The following SNTG1 variants were observed in gnomAD, a reference collection of about 807,000 sequenced individuals.
The protein encoded by SNTG1 is syntrophin gamma 1, also known as gamma-1-syntrophin.
A neutral mutation model predicts 74.7 loss-of-function variants in SNTG1; 39 were observed. The ratio of observed to expected loss-of-function variants is 0.52; its 90% CI spans 0.40 to 0.68. SNTG1 has a LOEUF of 0.68. SNTG1 is among the 30% of genes least tolerant of loss of function. SNTG1 has a pLI of 0.00. For missense variants in SNTG1, 685 were observed against 609.5 expected (o/e 1.12, Z -1.30); for synonymous variants, 254 against 217.1 (o/e 1.17, Z -1.49).
intron 13 of SNTG1, among the ~76,000 whole-genome samples, chr8:50,620,205 A>T (rs1240684821): frequency 6.6e-6 from 1 of 151,538 alleles, no homozygotes; most frequent in Admixed American, 6.6e-5. Context: ...CCATTCCAAG[A>T]CTCTCCAGGT....
At chr8:50,146,928 T>C (rs574864648) in intron 1 of SNTG1, among the ~76,000 whole-genome samples, 1 of 152,328 alleles carries the variant, frequency 6.6e-6, no homozygotes, top group South Asian at 2.1e-4. Flanking sequence ...CTTTATCACA[T>C]ATATGATTTG....
intron 1 of SNTG1, among the ~76,000 whole-genome samples, chr8:50,091,937 C>A (rs2079754199): frequency 6.6e-6 from 1 of 151,940 alleles, no homozygotes; most frequent in Admixed American, 6.6e-5. Flanking sequence ...AGTGAGATAG[C>A]AATGACAAAA....
At chr8:50,062,968 T>C (rs1820604075) in intron 1 of SNTG1, among the ~76,000 whole-genome samples, 1 of 152,228 alleles carries the variant, frequency 6.6e-6, no homozygotes, top group African/African-American at 2.4e-5. Context: ...AAAGAGCTAA[T>C]GACTGCAGAC....
chr8:50,776,217 A>T (rs1003230931), intron 18 of SNTG1, among the ~76,000 whole-genome samples: 2 of 150,532 alleles, frequency 1.3e-5, no homozygotes, highest in Admixed American at 6.6e-5. Context: ...TGCTTTTAGA[A>T]ATCAATTTTA....
intron 15 of SNTG1, among the ~76,000 whole-genome samples, chr8:50,689,945 A>G (rs1339034102): frequency 1.3e-5 from 2 of 152,210 alleles, no homozygotes; most frequent in Non-Finnish European, 2.9e-5. Flanking sequence ...TGGTCTATTC[A>G]GAGATTCAAC....
chr8:50,013,317 C>T (rs748094024), intron 1 of SNTG1, among the ~76,000 whole-genome samples: 1 of 152,004 alleles, frequency 6.6e-6, no homozygotes, highest in Admixed American at 6.6e-5. Flanking sequence ...AATAGCACCT[C>T]GTCATAGACT....
intron 13 of SNTG1, among the ~76,000 whole-genome samples, chr8:50,634,955 G>A (rs747146746): frequency 1.5e-4 from 23 of 152,052 alleles, no homozygotes; most frequent in South Asian, 8.3e-4. Context: ...ATTGACAGCC[G>A]CAGTCTGTAC....
chr8:50,261,467 C>G (rs1270247536), intron 2 of SNTG1, among the ~76,000 whole-genome samples: 1 of 151,996 alleles, frequency 6.6e-6, no homozygotes, highest in Non-Finnish European at 1.5e-5. Context: ...AAATGAAAAG[C>G]ACTAGAGAAA....
chr8:50,749,522 T>C (rs762693649), intron 17 of SNTG1, among the ~76,000 whole-genome samples: 1 of 152,070 alleles, frequency 6.6e-6, no homozygotes, highest in Non-Finnish European at 1.5e-5. Context: ...AGATGCCATC[T>C]GAAACTTTCA....
chr8:50,417,158 T>C (rs1285058186), intron 4 of SNTG1, among the ~76,000 whole-genome samples: 1 of 152,168 alleles, frequency 6.6e-6, no homozygotes, highest in African/African-American at 2.4e-5. Context: ...CGCCATGATA[T>C]ACACTTTTCT....
At chr8:50,544,750 T>A (rs554903128) in intron 11 of SNTG1, among the ~76,000 whole-genome samples, 1 of 152,162 alleles carries the variant, frequency 6.6e-6, no homozygotes, top group South Asian at 2.1e-4. Flanking sequence ...AGATTCACAT[T>A]CAAGAGCTAA....
Position 50,226,499 on chromosome 8 carries a change from C to T in SNTG1, c.-28+53864C>T, listed in dbSNP as rs145389933. Among the ~76,000 whole-genome samples, 15 of 152,156 alleles carry T rather than the reference C, an allele frequency of 9.9e-5. No individual in the cohort carries two copies. The East Asian group carries it at 2.1e-3, about 22-fold the overall frequency. The stretch of plus-strand genomic sequence containing the variant: ...AAAGATCTGAATAGGAAACATTTGC[C>T]ATCTGTTGTCTCTAAGGGCAGCCAC... On this transcript the variant is annotated intron_variant, in intron 2 of 18. Transcript: ENST00000642720.
Position 50,795,417 on chromosome 8 carries a change from A to G in SNTG1, c.*2588A>G, listed in dbSNP as rs776140230. 2.0e-5 allele frequency: 3 copies of G among 152,090 alleles called. No individual in the cohort carries two copies. Among genetic ancestry groups the G allele is most frequent in the African/African-American group, 4.8e-5 (2 of 41,432 alleles). 9.4% of individuals were successfully genotyped at this position (152,090 alleles called of 1,614,324 possible). On this transcript the variant is annotated 3_prime_UTR_variant, in exon 19 of 19. Coordinates refer to ENST00000642720, the MANE Select transcript of SNTG1 (RefSeq NM_018967.5). ...TTGAAATGAACAAAAACACTTAAAA[A>G]TTTCTATCTCTCATATAATTTAGGT...
intron 15 of SNTG1, among the ~76,000 whole-genome samples, chr8:50,674,681 C>A (rs1211780988): frequency 6.6e-6 from 1 of 151,836 alleles, no homozygotes; most frequent in Non-Finnish European, 1.5e-5. Context: ...CTGCTCTGAC[C>A]TGAGTTATTT....
intron 8 of SNTG1, among the ~76,000 whole-genome samples, chr8:50,483,602 T>C (rs1267066829): frequency 6.6e-6 from 1 of 152,134 alleles, no homozygotes. Context: ...CATTTAAAAT[T>C]CAGAATAGCA....
chr8:50,181,594 T>C (rs1365878654), intron 2 of SNTG1, among the ~76,000 whole-genome samples: 2 of 152,170 alleles, frequency 1.3e-5, no homozygotes, highest in African/African-American at 2.4e-5. Context: ...TTATTTTGAG[T>C]ATTTAAGGAA....
intron 13 of SNTG1, among the ~76,000 whole-genome samples, chr8:50,616,522 T>G (rs575325925): frequency 4.5e-4 from 68 of 152,310 alleles, no homozygotes; most frequent in African/African-American, 1.6e-3. Flanking sequence ...AAAGCCTTGC[T>G]GGAGTGATGC....
intron 8 of SNTG1, among the ~76,000 whole-genome samples, chr8:50,458,702 C>T (rs963845893): frequency 1.3e-5 from 2 of 152,100 alleles, no homozygotes; most frequent in East Asian, 3.9e-4. Context: ...TTGCATTTTC[C>T]TAATGACTAA....
chr8:49,979,614 C>T (rs1812497426), intron 1 of SNTG1, among the ~76,000 whole-genome samples: 1 of 152,158 alleles, frequency 6.6e-6, no homozygotes, highest in African/African-American at 2.4e-5. Context: ...GGGGACTTCT[C>T]ACACCTAGCT....
Sources: gnomAD v4.1 joint callset for allele counts (sites outside exome capture counted in the v4.1 genomes callset) on GRCh38, gnomAD v4.1.1 for gene constraint, MANE v1.5 for transcripts, NCBI Gene and HGNC (gene_info 2026-07-23, HGNC 2026-07-21) for gene names.